Variants in ITPKB observed in about 807,000 individuals in gnomAD.
ITPKB encodes IP3 3-kinase B.
A neutral mutation model predicts 69.4 loss-of-function variants in ITPKB; 13 were observed. That is an observed-to-expected ratio of 0.19 (90% confidence interval 0.12 to 0.30). The LOEUF (loss-of-function observed/expected upper bound fraction) is 0.30, where lower values mean the gene tolerates loss of function less well. ITPKB is among the 10% of genes least tolerant of loss of function. The pLI is 1.00. For synonymous variants in ITPKB, 584 were observed against 513.7 expected (o/e 1.14, Z -1.85); for missense variants, 1,240 against 1,250.5 (o/e 0.99, Z 0.13).
intron 2 of ITPKB, among the ~76,000 whole-genome samples, chr1:226,649,105 C>T (rs569156007): frequency 5.3e-5 from 8 of 152,356 alleles, no homozygotes; most frequent in Admixed American, 1.3e-4. Context: ...CCAGAGGCAC[C>T]TCTTGCCTGC....
intron 2 of ITPKB, among the ~76,000 whole-genome samples, chr1:226,651,302 C>T (rs779441433): frequency 7.9e-5 from 12 of 152,200 alleles, no homozygotes; most frequent in Non-Finnish European, 1.6e-4. Flanking sequence ...TGAGGCAGGC[C>T]AACCTGGGCC....
At chr1:226,703,558 C>T (rs902684227) in intron 2 of ITPKB, among the ~76,000 whole-genome samples, 1 of 152,276 alleles carries the variant, frequency 6.6e-6, no homozygotes, top group African/African-American at 2.4e-5. Context: ...CGCGGAAGCC[C>T]GCGGCCGGGG....
chr1:226,674,761 A>G (rs1669693890), intron 2 of ITPKB, among the ~76,000 whole-genome samples: 1 of 151,234 alleles, frequency 6.6e-6, no homozygotes. Flanking sequence ...CACCATCCCT[A>G]TTTGCCTCCT....
In ITPKB at chr1:226,736,826, C is replaced by G. The variant is rs570710738; in HGVS notation, c.633G>C (p.Glu211Asp). 3 of 1,612,854 alleles carry G rather than the reference C, an allele frequency of 1.9e-6. No homozygotes were observed. The highest frequency in any genetic ancestry group is 2.5e-6 in the Non-Finnish European group (3 of 1,180,030). The change falls in exon 2 of 8, where the codon GAG (glutamate) becomes GAC (aspartate). Residue 211 changes from glutamate to aspartate, a missense_variant. By Grantham distance (45) the Glu-to-Asp change is conservative. This residue lies in a region of ITPKB where 992 missense variants were observed against 853.8 expected (regional missense o/e 1.16). Transcript: ENST00000429204. ...RTKSWGEQCP[E>D]TSGTDSGRKG... ...TCCTCCCGGAGTCGGTTCCTGAAGTCTCTGGACATTGCTCCCCCCAGGACT... is the reference window on the plus strand; with the variant it reads ...TCCTCCCGGAGTCGGTTCCTGAAGTGTCTGGACATTGCTCCCCCCAGGACT...
At chr1:226,734,002 A>C (rs1477766976) in intron 2 of ITPKB, among the ~76,000 whole-genome samples, 1 of 152,228 alleles carries the variant, frequency 6.6e-6, no homozygotes, top group Non-Finnish European at 1.5e-5. Context: ...AGGAGTTCAA[A>C]AGCAACTGGG....
At chr1:226,667,527 C>G (rs1252144643) in intron 2 of ITPKB, among the ~76,000 whole-genome samples, 1 of 152,192 alleles carries the variant, frequency 6.6e-6, no homozygotes, top group African/African-American at 2.4e-5. Context: ...ACAACCAGGG[C>G]CAGCCCATCA....
At chr1:226,694,457 T>G (rs1166231924) in intron 2 of ITPKB, among the ~76,000 whole-genome samples, 1 of 152,228 alleles carries the variant, frequency 6.6e-6, no homozygotes, top group Non-Finnish European at 1.5e-5. Context: ...CATTACCAAT[T>G]GGTATGGCGT....
At position 226,736,199 on chromosome 1, in the gene ITPKB, G is replaced by A. The variant is rs775226885; in HGVS notation, c.1260C>T (p.Ser420=). ...CACTTCGGGCCTCCTCAGGGCCTAC[G>A]GAGGCCAGGGCCCTGGGCAGCCTGG... is the stretch of plus-strand genomic sequence containing the variant. The part of the protein sequence containing the change: ...SWSRLPRALA[S]VGPEEARSGA... The change falls in exon 2 of 8, where the codon TCC becomes TCT. Residue 420 remains serine, a synonymous_variant. Coordinates refer to ENST00000429204, the MANE Select transcript of ITPKB (RefSeq NM_002221.4). The A allele has an allele frequency of 5.9e-6, 9 of 1,537,662 alleles. No homozygotes were observed. Among genetic ancestry groups the A allele is most frequent in the Middle Eastern group, 1.8e-4 (1 of 5,688 alleles).
At chr1:226,675,663 C>T (rs1558082519) in intron 2 of ITPKB, among the ~76,000 whole-genome samples, 1 of 152,210 alleles carries the variant, frequency 6.6e-6, no homozygotes, top group Non-Finnish European at 1.5e-5. Context: ...TTCTCGATTT[C>T]TACTTCCTCT....
chr1:226,710,284 G>A, intron 2 of ITPKB, among the ~76,000 whole-genome samples: 1 of 152,116 alleles, frequency 6.6e-6, no homozygotes, highest in East Asian at 1.9e-4. Context: ...AGAAACGGGA[G>A]ACAGAAAATA....
Position 226,737,469 on chromosome 1 carries a change from C to T in ITPKB, c.-11G>A, listed in dbSNP as rs1170045061. 2 of 1,547,196 alleles carry T rather than the reference C, an allele frequency of 1.3e-6. No homozygotes were observed. The highest frequency in any genetic ancestry group is 1.7e-6 in the Non-Finnish European group (2 of 1,151,988). The stretch of plus-strand genomic sequence containing the variant: ...GCAGTACACAGCCATAGTACTGGGT[C>T]CCGCGCTGCCCGCCGCCGCGGCTCC... On this transcript the variant is annotated 5_prime_UTR_variant, in exon 2 of 8. Transcript: ENST00000429204.
chr1:226,695,790 G>A (rs562320251), intron 2 of ITPKB, among the ~76,000 whole-genome samples: 16 of 152,274 alleles, frequency 1.1e-4, no homozygotes, highest in African/African-American at 3.9e-4. Context: ...GAGAGGACAC[G>A]GGGGAGAAGA....
intron 2 of ITPKB, among the ~76,000 whole-genome samples, chr1:226,691,997 G>T (rs1452062650): frequency 6.6e-6 from 1 of 152,150 alleles, no homozygotes. Context: ...TGCCTACAAA[G>T]GTCCAGTGAG....
At chr1:226,685,680 C>T (rs926390022) in intron 2 of ITPKB, among the ~76,000 whole-genome samples, 2 of 152,220 alleles carry the variant, frequency 1.3e-5, no homozygotes, top group Admixed American at 1.3e-4. Context: ...GACACCTCCA[C>T]GTCCTCAAGG....
At position 226,642,677 on chromosome 1, in the gene ITPKB, G is replaced by T. The variant is rs1030961269; in HGVS notation, c.2247-552C>A. Among the ~76,000 whole-genome samples the T allele has an allele frequency of 6.6e-6, 1 of 152,030 alleles. No homozygotes were observed. The highest frequency in any genetic ancestry group is 2.4e-5 in the African/African-American group (1 of 41,398). ...GTCCTGATCCTGCTGCTACGGTGGAGCTAAGAGAGGGGACTGGGGGCAGGG... is the reference window on the plus strand; with the variant it reads ...GTCCTGATCCTGCTGCTACGGTGGATCTAAGAGAGGGGACTGGGGGCAGGG... On this transcript the variant is annotated intron_variant, in intron 4 of 7. Coordinates refer to ENST00000429204, the MANE Select transcript of ITPKB (RefSeq NM_002221.4). This position sits in a 1 kb window ranked among gnomAD's most constrained non-coding sequence, Gnocchi z 6.4.
Position 226,641,879 on chromosome 1 carries a change from G to A in ITPKB, c.2451+42C>T. 26 of 1,567,852 alleles carry A rather than the reference G, an allele frequency of 1.7e-5. No homozygotes were observed. The highest frequency in any genetic ancestry group is 2.3e-5 in the Non-Finnish European group (26 of 1,145,540). Reference sequence around the variant, plus strand: ...AGAGAAGCCAAGCCCCCTGAGGTGGGCACGGGTGGGGCCCGAGGCTGCCCT... The same window carrying A: ...AGAGAAGCCAAGCCCCCTGAGGTGGACACGGGTGGGGCCCGAGGCTGCCCT... On this transcript the variant is annotated intron_variant, in intron 5 of 7. Coordinates refer to ENST00000429204, the MANE Select transcript of ITPKB (RefSeq NM_002221.4). The surrounding 1 kb of genome is among the most constrained non-coding windows in gnomAD (Gnocchi z 4.6).
At position 226,736,027 on chromosome 1, in the gene ITPKB, G is replaced by A. The variant is rs752350855; in HGVS notation, c.1432C>T (p.Pro478Ser). The A allele has an allele frequency of 1.2e-6, 2 of 1,613,684 alleles. No homozygotes were observed. The highest frequency in any genetic ancestry group is 1.1e-5 in the South Asian group (1 of 91,082). ...AGIPSGRMLE[P>S]LPCWDAAKDL... ...TTCGCAGCGTCCCAACAGGGCAAAGGCTCCAGCATTCTGCCAGAAGGAATT... is the reference window on the plus strand; with the variant it reads ...TTCGCAGCGTCCCAACAGGGCAAAGACTCCAGCATTCTGCCAGAAGGAATT... Residue 478 changes from proline (P) to serine (S), a missense_variant, in exon 2 of 8, where the codon CCT becomes TCT. Around this residue, in one of 2 missense-constraint regions of ITPKB, gnomAD observed 992 missense variants for 853.8 expected, o/e 1.16. Transcript: ENST00000429204.
At chr1:226,716,491 G>T (rs2102640670) in intron 2 of ITPKB, among the ~76,000 whole-genome samples, 1 of 152,272 alleles carries the variant, frequency 6.6e-6, no homozygotes, top group African/African-American at 2.4e-5. Context: ...TGCCATGGTG[G>T]TTTGCTGCAC....
intron 2 of ITPKB, among the ~76,000 whole-genome samples, chr1:226,723,845 C>T (rs1416711362): frequency 1.3e-5 from 2 of 152,096 alleles, no homozygotes; most frequent in Admixed American, 6.5e-5. Flanking sequence ...TTTTTTTAAA[C>T]TTCAAGTTCC....
Sources: allele counts gnomAD v4.1 joint callset (sites outside exome capture counted in the v4.1 genomes callset), GRCh38; gene constraint gnomAD v4.1.1; regional missense constraint gnomAD v4.1.1; non-coding constraint Gnocchi (gnomAD v3.1); transcripts MANE v1.5; gene names NCBI Gene and HGNC (gene_info 2026-07-23, HGNC 2026-07-21).